The following VPS13D variants were observed in gnomAD, a reference collection of about 807,000 sequenced individuals.
The protein encoded by VPS13D is intermembrane lipid transfer protein VPS13D.
Under a neutral mutation model 461.9 loss-of-function variants are expected in VPS13D, and 187 were observed. The observed-to-expected ratio is 0.40, with a 90% CI of 0.36 to 0.46. VPS13D has a LOEUF of 0.46. Among genes scored for constraint, VPS13D ranks in the 20% least tolerant of loss-of-function variants. The pLI is 0.60. For missense variants in VPS13D, 4,711 were observed against 5,364.9 expected (o/e 0.88, Z 3.81); for synonymous variants, 1,951 against 1,986.3 (o/e 0.98, Z 0.47).
At chr1:12,447,073 G>T (rs1318240608) in intron 65 of VPS13D, among the ~76,000 whole-genome samples, 2 of 152,218 alleles carry the variant, frequency 1.3e-5, no homozygotes, top group Admixed American at 6.5e-5. Flanking sequence ...GAACACTGGA[G>T]CCTGACTCCT....
chr1:12,369,327 A>G (rs1644084925), intron 53 of VPS13D, 140 bp from the exon 54 acceptor site: 2 of 764,364 alleles, frequency 2.6e-6, no homozygotes, highest in Non-Finnish European at 4.3e-6. Flanking sequence ...AGGTGAGATG[A>G]TGAATTTCAC....
intron 2 of VPS13D, among the ~76,000 whole-genome samples, chr1:12,238,135 C>T (rs1225820795): frequency 8.2e-5 from 12 of 146,166 alleles, no homozygotes; most frequent in Non-Finnish European, 1.8e-4. Context: ...ACCTGGGTGA[C>T]AGTGGGACCC....
chr1:12,340,723 G>A (rs1252898962), intron 40 of VPS13D, among the ~76,000 whole-genome samples: 1 of 152,234 alleles, frequency 6.6e-6, no homozygotes, highest in Non-Finnish European at 1.5e-5. Flanking sequence ...TTCTCACGCT[G>A]TCTTCCTACT....
rs1287692262 is a variant in VPS13D, at chr1:12,495,866, A to G, written c.12663-1634A>G. Among the ~76,000 whole-genome samples, 1 of 152,162 alleles carries G rather than the reference A, an allele frequency of 6.6e-6. No individual in the cohort carries two copies. The highest frequency in any genetic ancestry group is 6.5e-5 in the Admixed American group (1 of 15,278). ...AGCAAGTGCTTTGCTAGGCAAGGAGATAAGAACAGAGCTCTGCTACGTGGA... is the reference window on the plus strand; with the variant it reads ...AGCAAGTGCTTTGCTAGGCAAGGAGGTAAGAACAGAGCTCTGCTACGTGGA... On this transcript the variant is annotated intron_variant, in intron 67 of 69. Transcript: ENST00000620676. This position sits in a 1 kb window ranked among gnomAD's most constrained non-coding sequence, Gnocchi z 4.0.
intron 17 of VPS13D, among the ~76,000 whole-genome samples, chr1:12,272,748 A>G (rs1482300432): frequency 1.3e-5 from 2 of 152,180 alleles, no homozygotes; most frequent in Non-Finnish European, 2.9e-5. Flanking sequence ...TAGAAACAAA[A>G]TCTTTCTTAA....
chr1:12,407,969 G>C (rs1644676877), intron 63 of VPS13D, among the ~76,000 whole-genome samples: 1 of 152,174 alleles, frequency 6.6e-6, no homozygotes, highest in Non-Finnish European at 1.5e-5. Flanking sequence ...GCAAAACAGA[G>C]TGCTGAACTG....
At chr1:12,323,906 T>C (rs1464636732) in intron 35 of VPS13D, 126 bp downstream of exon 35, 2 of 906,500 alleles carry the variant, frequency 2.2e-6, no homozygotes, top group African/African-American at 3.3e-5. Context: ...TTATGTGTCT[T>C]CTCTGGACTG....
At chr1:12,373,110 T>G (rs1489470184) in intron 54 of VPS13D, among the ~76,000 whole-genome samples, 3 of 142,306 alleles carry the variant, frequency 2.1e-5, no homozygotes, top group African/African-American at 8.1e-5. Context: ...TTTTTTTTTT[T>G]TTTTTTTTTT....
At position 12,413,564 on chromosome 1, in the gene VPS13D, A is replaced by G. The variant is rs370606534; in HGVS notation, c.12031-1523A>G. On this transcript the variant is annotated intron_variant, in intron 63 of 69. Transcript: ENST00000620676. ...TCAGCTTAGTGTGGCCTTGACCTTC[A>G]AAGTCCAAGTGATCCTCCTCCTCCA... Among the ~76,000 whole-genome samples, 6 of 152,282 alleles carry G rather than the reference A, an allele frequency of 3.9e-5. No individual in the cohort carries two copies. The East Asian group carries it at 1.2e-3, about 30-fold the overall frequency.
intron 68 of VPS13D, among the ~76,000 whole-genome samples, chr1:12,500,924 C>T (rs1177476588): frequency 6.6e-6 from 1 of 151,718 alleles, no homozygotes; most frequent in Non-Finnish European, 1.5e-5. Context: ...CATGGTGGCA[C>T]ACACCTCTAT....
chr1:12,437,599 A>T (rs1570170172), intron 65 of VPS13D, among the ~76,000 whole-genome samples: 1 of 151,942 alleles, frequency 6.6e-6, no homozygotes, highest in African/African-American at 2.4e-5. Flanking sequence ...TTCTAACCCA[A>T]CCCTCCCCTC....
At chr1:12,447,385 G>T (rs1645206023) in intron 65 of VPS13D, among the ~76,000 whole-genome samples, 2 of 152,098 alleles carry the variant, frequency 1.3e-5, no homozygotes. Context: ...TACCTCACAG[G>T]ATTGTTGTGA....
At chr1:12,503,486 A>G (rs1646061834) in intron 68 of VPS13D, among the ~76,000 whole-genome samples, 1 of 152,134 alleles carries the variant, frequency 6.6e-6, no homozygotes, top group South Asian at 2.1e-4. Context: ...GCTCTGCCCT[A>G]AGAGTTGAAA....
intron 34 of VPS13D, among the ~76,000 whole-genome samples, chr1:12,323,468 C>T (rs559073852): frequency 6.6e-6 from 1 of 151,994 alleles, no homozygotes; most frequent in South Asian, 2.1e-4. Flanking sequence ...AGACCTTCCC[C>T]CCCCACCCCA....
intron 63 of VPS13D, among the ~76,000 whole-genome samples, chr1:12,410,887 A>G (rs1209920476): frequency 6.6e-6 from 1 of 152,274 alleles, no homozygotes; most frequent in African/African-American, 2.4e-5. Flanking sequence ...TTAAAAATGC[A>G]TAAAAGCTGT....
chr1:12,250,717 C>T (rs554968193), intron 6 of VPS13D, among the ~76,000 whole-genome samples: 44 of 152,382 alleles, frequency 2.9e-4, no homozygotes, highest in African/African-American at 8.4e-4. Context: ...CACTACGGCA[C>T]GAGAGGCGGA....
chr1:12,329,196 G>A (rs1391490824), intron 36 of VPS13D, among the ~76,000 whole-genome samples: 1 of 151,958 alleles, frequency 6.6e-6, no homozygotes, highest in African/African-American at 2.4e-5. Flanking sequence ...TTTTCAGGTA[G>A]AAATATCTTT....
chr1:12,308,865 G>C (rs1328745239), intron 27 of VPS13D, among the ~76,000 whole-genome samples: 1 of 151,970 alleles, frequency 6.6e-6, no homozygotes, highest in Admixed American at 6.6e-5. Context: ...TTGTGGTCTT[G>C]AACTCCTGAC....
rs1234448212 is a variant in VPS13D at position 12,270,913 on chromosome 1, C to G, written c.1973-81C>G. On this transcript the variant is annotated intron_variant, in intron 16 of 69. Coordinates refer to ENST00000620676, the MANE Select transcript of VPS13D (RefSeq NM_015378.4). ...TTTTTTTTAAGCTTTGATGGACATT[C>G]TTGGTGAGAATTGATGTAGCACTTT... 3 of 1,526,256 alleles carry G rather than the reference C, an allele frequency of 2.0e-6. No homozygotes were observed. In the South Asian group the frequency reaches 3.6e-5, roughly 18 times the overall value. The allele number at this position is 1,526,256 out of a possible 1,614,324, so 94.5% of individuals were successfully genotyped here.
Sources: allele counts gnomAD v4.1 joint callset (sites outside exome capture counted in the v4.1 genomes callset), GRCh38; gene constraint gnomAD v4.1.1; non-coding constraint Gnocchi (gnomAD v3.1); transcripts MANE v1.5; gene names NCBI Gene and HGNC (gene_info 2026-07-23, HGNC 2026-07-21).